Variants in TTN observed in about 807,000 individuals in gnomAD.
TTN encodes titin.
A neutral mutation model predicts 3,223.0 loss-of-function variants in TTN; 1,525 were observed. That is an observed-to-expected ratio of 0.47 (90% CI 0.45 to 0.49). The LOEUF is 0.49. Ranked by LOEUF, TTN falls within the 20% of genes least tolerant of loss-of-function variation. TTN has a pLI of 0.00. For synonymous variants in TTN, 14,094 were observed against 15,161.0 expected, an observed-to-expected ratio of 0.93 and a Z score of 5.17; for missense variants, 40,786 against 43,424.0, an observed-to-expected ratio of 0.94 and a Z score of 5.40.
Position 178,559,512 on chromosome 2 carries a change from C to A in TTN, c.86620G>T (p.Gly28874Ter), listed in dbSNP as rs765852996. 6.2e-7 allele frequency: 1 copy of A among 1,613,768 alleles called. No homozygotes were observed. Among genetic ancestry groups the A allele is most frequent in the East Asian group, 2.2e-5 (1 of 44,864 alleles). Residue 28874 changes from glycine (G) to a stop codon, truncating the protein, a stop_gained, in exon 326 of 363, where the codon GGA becomes TGA. Transcript: ENST00000589042. LOFTEE classifies it high-confidence loss of function. ...ATGTGGTAATTCTTCACTGGTGCTC[C>A]ACCATCGTTTTCAGGAACATCCCAG... The part of the protein sequence containing the change: ...LSWDVPENDG[G>*]APVKNYHIEK...
chr2:178,673,690 C>T lies in TTN; in HGVS notation c.34729G>A (p.Ala11577Thr), dbSNP rs1170376842. 6.3e-7 allele frequency: 1 copy of T among 1,589,994 alleles called. No individual in the cohort carries two copies. The highest frequency in any genetic ancestry group is 1.2e-5 in the South Asian group (1 of 84,520). The change falls in exon 152 of 363, where the codon GCA (alanine) becomes ACA (threonine). Residue 11577 changes from alanine to threonine, a missense_variant. Physicochemically the swap from Ala to Thr is moderately conservative, Grantham distance 58. Transcript: ENST00000589042. Reference sequence around the variant, plus strand: ...ACAGGAGTAGGTGCTTCAGGTACTGCTTTCTTAATCACTTCAGGCACTTAA... The same window carrying T: ...ACAGGAGTAGGTGCTTCAGGTACTGTTTTCTTAATCACTTCAGGCACTTAA... The part of the protein sequence containing the change: ...PPRVPEVIKK[A>T]VPEAPTPVPK...
rs779083208 is a variant in TTN at position 178,720,145 on chromosome 2, C to G, written c.23497G>C (p.Gly7833Arg). 39 of 1,613,636 alleles carry G rather than the reference C, an allele frequency of 2.4e-5. No homozygotes were observed. The highest frequency in any genetic ancestry group is 8.5e-7 in the Non-Finnish European group (1 of 1,179,722). Reference protein sequence around the residue: ...PISVVWLKDRGEVIRESENTR... With the variant: ...PISVVWLKDRREVIRESENTR... ...TTTTCACTCTCTCTGATGACTTCACCTCTATCTTTCAGCCAGACAACAGAA... is the reference window on the plus strand; with the variant it reads ...TTTTCACTCTCTCTGATGACTTCACGTCTATCTTTCAGCCAGACAACAGAA... Residue 7833 changes from glycine to arginine, a missense_variant, in exon 81 of 363, where the codon GGT becomes CGT. By Grantham distance (125) the Gly-to-Arg change is moderately radical. Coordinates refer to ENST00000589042, the MANE Select transcript of TTN (RefSeq NM_001267550.2).
Position 178,569,704 on chromosome 2 carries a change from T to G in TTN, c.76428A>C (p.Glu25476Asp). The G allele has an allele frequency of 6.2e-7, 1 of 1,613,094 alleles. No individual in the cohort carries two copies. The highest frequency in any genetic ancestry group is 8.5e-7 in the Non-Finnish European group (1 of 1,179,544). ...IEVEKLLEKH[E>D]YNFRICAINK... ...TAATAGCACAGATACGGAAGTTGTA[T>G]TCATGCTTTTCCAACAGCTTCTCTA... The change falls in exon 326 of 363, where the codon GAA (glutamate) becomes GAC (aspartate). Residue 25476 changes from glutamate to aspartate, a missense_variant. Coordinates refer to ENST00000589042, the MANE Select transcript of TTN (RefSeq NM_001267550.2).
chr2:178,699,715 CTT>C (rs1227937572), intron 111 of TTN, among the ~76,000 whole-genome samples: 4 of 109,546 alleles, frequency 3.7e-5, no homozygotes, highest in Non-Finnish European at 7.3e-5. Flanking sequence ...CCAGCCCACT[CTT>C]TTTTAATTTT....
chr2:178,552,875 C>T lies in TTN; in HGVS notation c.90025G>A (p.Ala30009Thr). 6.2e-7 allele frequency: 1 copy of T among 1,613,800 alleles called. No individual in the cohort carries two copies. Among genetic ancestry groups the T allele is most frequent in the Non-Finnish European group, 8.5e-7 (1 of 1,179,810 alleles). Residue 30009 changes from alanine to threonine, a missense_variant, in exon 335 of 363, where the codon GCA (alanine) becomes ACA (threonine). Ala to Thr is a moderately conservative substitution (Grantham distance 58). Transcript: ENST00000589042. Reference protein sequence around the residue: ...EKTPFFFRVLAENEIGIGEPC... With the variant: ...EKTPFFFRVLTENEIGIGEPC... ...TCCCCAATTCCAATTTCATTTTCTGCAAGAACTCTGAAGAAGAATGGAGTC... is the reference window on the plus strand; with the variant it reads ...TCCCCAATTCCAATTTCATTTTCTGTAAGAACTCTGAAGAAGAATGGAGTC...
In TTN at chr2:178,695,893, T is replaced by G. The variant is rs1488878136; in HGVS notation, c.31179A>C (p.Val10393=). Residue 10393 remains valine, a synonymous_variant, in exon 114 of 363, where the codon GTA becomes GTC. Transcript: ENST00000589042. ...EWEEAYQERE[V]IQVQKEVYEE... is the part of the protein sequence containing the mutation. ...CATAGACCTCCTTTTGAACTTGAAT[T>G]ACTTCCCTTTCTTGGTAAGCCTCTT... 2.7e-6 allele frequency: 4 copies of G among 1,460,054 alleles called. No individual in the cohort carries two copies. The highest frequency in any genetic ancestry group is 3.6e-6 in the Non-Finnish European group (4 of 1,107,310). The allele number at this position is 1,460,054 out of a possible 1,614,324, so 90.4% of individuals were successfully genotyped here.
At chr2:178,591,546 T>G (rs1242332601) in intron 303 of TTN, 42 bp from the exon 304 acceptor site, 7 of 1,588,258 alleles carry the variant, frequency 4.4e-6, no homozygotes, top group Non-Finnish European at 6.0e-6. Flanking sequence ...GATTTTCACC[T>G]ATATGAATAA....
chr2:178,542,620 A>G (rs772648375), intron 348 of TTN, 42 bp downstream of exon 348: 2 of 1,598,000 alleles, frequency 1.3e-6, no homozygotes, highest in African/African-American at 1.3e-5. Context: ...AAATTGGGTG[A>G]CTGAACATCA....
In TTN at chr2:178,563,093, T is replaced by G; in HGVS notation, c.83039A>C (p.Asp27680Ala). 1 of 1,613,728 alleles carries G rather than the reference T, an allele frequency of 6.2e-7. No homozygotes were observed. The highest frequency in any genetic ancestry group is 1.1e-5 in the South Asian group (1 of 91,082). ...ACGCAGAACGACCACCTTTCTGAGATCAGCATCGAGTTCTATTTCTGGTGG... is the reference window on the plus strand; with the variant it reads ...ACGCAGAACGACCACCTTTCTGAGAGCAGCATCGAGTTCTATTTCTGGTGG... ...IEPPEIELDADLRKVVVLRAS... is the reference protein window; with the variant it reads ...IEPPEIELDAALRKVVVLRAS... Residue 27680 changes from aspartate to alanine, a missense_variant, in exon 326 of 363, where the codon GAT becomes GCT. Transcript: ENST00000589042. The surrounding 1 kb of genome is among the most constrained non-coding windows in gnomAD (Gnocchi z 4.5).
intron 119 of TTN, 109 bp downstream of exon 119, chr2:178,693,500 A>G: frequency 1.3e-6 from 1 of 779,852 alleles, no homozygotes; most frequent in Non-Finnish European, 2.0e-6. Context: ...GGCTATAGGT[A>G]TGCACACTGT....
chr2:178,663,532 T>G lies in TTN; in HGVS notation c.36533-16A>C, dbSNP rs764776866. 1 of 1,613,354 alleles carries G rather than the reference T, an allele frequency of 6.2e-7. No homozygotes were observed. The highest frequency in any genetic ancestry group is 1.3e-5 in the African/African-American group (1 of 74,890). ...GCCTCAGGCACTTGAAAGATATTAG[T>G]GAAATTACATTTAGGCATTATGAAG... On this transcript the variant is annotated splice_polypyrimidine_tract_variant and intron_variant, in intron 171 of 362. Coordinates refer to ENST00000589042, the MANE Select transcript of TTN (RefSeq NM_001267550.2).
At position 178,548,238 on chromosome 2, in the gene TTN, C is replaced by A; in HGVS notation, c.93388G>T (p.Ala31130Ser). Residue 31130 changes from alanine (A) to serine (S), a missense_variant, in exon 339 of 363, where the codon GCA becomes TCA. By Grantham distance (99) the Ala-to-Ser change is moderately conservative (BLOSUM62 1). Coordinates refer to ENST00000589042, the MANE Select transcript of TTN (RefSeq NM_001267550.2). The surrounding 1 kb of genome is among the most constrained non-coding windows in gnomAD (Gnocchi z 4.3). Reference protein sequence around the residue: ...LDVVDTSKSSAVLAWLKPDHD... With the variant: ...LDVVDTSKSSSVLAWLKPDHD... ...TCAGGTTTAAGCCAAGCTAAGACTG[C>A]GGAGGATTTGCTAGTATCAACAACA... is the stretch of plus-strand genomic sequence containing the variant. The A allele has an allele frequency of 6.2e-7, 1 of 1,613,786 alleles. No individual in the cohort carries two copies. Among genetic ancestry groups the A allele is most frequent in the South Asian group, 1.1e-5 (1 of 91,074 alleles).
intron 126 of TTN, 101 bp downstream of exon 126, chr2:178,688,576 G>A (rs1009716231): frequency 3.8e-5 from 32 of 839,328 alleles, no homozygotes; most frequent in Non-Finnish European, 6.1e-5. Flanking sequence ...AGAAATAACT[G>A]ATGAGGACAT....
Position 178,620,501 on chromosome 2 carries a change from T to A in TTN, c.46020A>T (p.Glu15340Asp), listed in dbSNP as rs1576546728. Residue 15340 changes from glutamate to aspartate, a missense_variant, in exon 248 of 363, where the codon GAA becomes GAT. Coordinates refer to ENST00000589042, the MANE Select transcript of TTN (RefSeq NM_001267550.2). ...ATGAGACACGGTTGTCAAAAGGCAC[T>A]TCTTCACCATTTTTGGTCCACTTCA... ...VTLKWTKNGE[E>D]VPFDNRVSYR... is the part of the protein sequence containing the mutation. 2 of 1,612,418 alleles carry A rather than the reference T, an allele frequency of 1.2e-6. No individual in the cohort carries two copies. Among genetic ancestry groups the A allele is most frequent in the Non-Finnish European group, 1.7e-6 (2 of 1,178,968 alleles).
chr2:178,801,595 A>G (rs921406139), intron 3 of TTN, among the ~76,000 whole-genome samples: 4 of 152,214 alleles, frequency 2.6e-5, no homozygotes, highest in African/African-American at 9.6e-5. Flanking sequence ...CTAGGTAGTA[A>G]AGGATAGAGA....
chr2:178,553,521 T>A lies in TTN; in HGVS notation c.89484A>T (p.Val29828=), dbSNP rs767972721. The change falls in exon 334 of 363, where the codon GTA becomes GTT. Residue 29828 remains valine (V), a synonymous_variant. Coordinates refer to ENST00000589042, the MANE Select transcript of TTN (RefSeq NM_001267550.2). ...ACATACCAAGTATATCTTTAGCTTGTACAGGTTCATTCATTTCTATAGGTT... is the reference window on the plus strand; with the variant it reads ...ACATACCAAGTATATCTTTAGCTTGAACAGGTTCATTCATTTCTATAGGTT... ...QGEPIEMNEP[V]QAKDILEAPE... 6 of 1,612,752 alleles carry A rather than the reference T, an allele frequency of 3.7e-6. No homozygotes were observed. The highest frequency in any genetic ancestry group is 3.4e-6 in the Non-Finnish European group (4 of 1,179,260).
Position 178,652,863 on chromosome 2 carries a change from C to T in TTN, c.38944G>A (p.Val12982Ile). The T allele has an allele frequency of 1.9e-6, 3 of 1,611,868 alleles. No individual in the cohort carries two copies. The highest frequency in any genetic ancestry group is 1.1e-5 in the South Asian group (1 of 90,790). ...TGACAAATACCTTTAACAGGAGGGA[C>T]TTCAGGCTTTTTAGGAGGAGCCAAG... The part of the protein sequence containing the change: ...MPLAPPKKPE[V>I]PPVKVPEAPK... The change falls in exon 200 of 363, where the codon GTC (valine) becomes ATC (isoleucine). Residue 12982 changes from valine to isoleucine, a missense_variant. Transcript: ENST00000589042.
intron 111 of TTN, among the ~76,000 whole-genome samples, chr2:178,700,811 T>G (rs1334869782): frequency 1.3e-5 from 2 of 150,770 alleles, no homozygotes; most frequent in Non-Finnish European, 1.5e-5. Flanking sequence ...TTGGTTCCAT[T>G]ATTCTTTTTG....
At position 178,719,331 on chromosome 2, in the gene TTN, T is replaced by C; in HGVS notation, c.24059A>G (p.Gln8020Arg). 1 of 1,613,818 alleles carries C rather than the reference T, an allele frequency of 6.2e-7. No homozygotes were observed. Among genetic ancestry groups the C allele is most frequent in the Non-Finnish European group, 8.5e-7 (1 of 1,179,746 alleles). The change falls in exon 83 of 363, where the codon CAG becomes CGG. Residue 8020 changes from glutamine (Q) to arginine (R), a missense_variant. Physicochemically the swap from Gln to Arg is conservative, Grantham distance 43. Transcript: ENST00000589042. ...GSAPISVGWF[Q>R]DGNEIVSGPK... ...CCCACTAACAATCTCATTTCCATCC[T>C]GAAACCAGCCAACTGAAATCGGGGC...
Sources: gnomAD v4.1 joint callset for allele counts (sites outside exome capture counted in the v4.1 genomes callset) on GRCh38, gnomAD v4.1.1 for gene constraint, Gnocchi (gnomAD v3.1) non-coding constraint, MANE v1.5 for transcripts, NCBI Gene and HGNC (gene_info 2026-07-23, HGNC 2026-07-21) for gene names.